Variants in CHPT1 observed in about 807,000 individuals in gnomAD.
CHPT1 encodes the protein choline phosphotransferase 1, also known as cholinephosphotransferase 1.
In CHPT1, 36 loss-of-function variants were observed where a neutral mutation model predicts 47.6. The observed-to-expected ratio is 0.76, with a 90% CI of 0.58 to 1.00. CHPT1 has a LOEUF of 1.00. CHPT1 is among the 50% of genes least tolerant of loss of function. The pLI, the probability that CHPT1 is intolerant of heterozygous loss-of-function variation, is 0.00. For missense variants in CHPT1, 458 were observed against 498.1 expected, an observed-to-expected ratio of 0.92 and a Z score of 0.77; for synonymous variants, 194 against 186.3, an observed-to-expected ratio of 1.04 and a Z score of -0.33.
At chr12:101,699,356 TCAATGGA>T (rs1566033860) in intron 1 of CHPT1, among the ~76,000 whole-genome samples, 1 of 149,518 alleles carries the variant, frequency 6.7e-6, no homozygotes, top group African/African-American at 2.5e-5. Flanking sequence ...AAATATCTTG[TCAATGGA>T]TTGGTATGCT....
At chr12:101,708,402 TTA>T (rs1351315076) in intron 1 of CHPT1, among the ~76,000 whole-genome samples, 1 of 152,090 alleles carries the variant, frequency 6.6e-6, no homozygotes, top group Admixed American at 6.5e-5. Flanking sequence ...TAGAATAAAT[TTA>T]TATGAAATTT....
At chr12:101,726,593 C>A in intron 8 of CHPT1, 189 bp downstream of exon 8, 1 of 737,412 alleles carries the variant, frequency 1.4e-6, no homozygotes, top group Non-Finnish European at 2.0e-6. Flanking sequence ...CCCATTGTAT[C>A]ATCATTTTTT....
rs778035915 is a variant in CHPT1, at chr12:101,698,057, A to G, written c.196A>G (p.Ile66Val). Residue 66 changes from isoleucine to valine, a missense_variant, in exon 1 of 9, where the codon ATC (isoleucine) becomes GTC (valine). Transcript: ENST00000229266. ...WIPLWMAPNS[I>V]TLLGLAVNVV... ...CCCGCTCTGGATGGCCCCCAACTCC[A>G]TCACCCTGCTGGGGCTCGCCGTCAA... is the stretch of plus-strand genomic sequence containing the variant. 21 of 1,574,254 alleles carry G rather than the reference A, an allele frequency of 1.3e-5. No homozygotes were observed. The highest frequency in any genetic ancestry group is 8.0e-5 in the South Asian group (7 of 87,738).
chr12:101,712,581 T>G (rs1951712616), intron 1 of CHPT1, among the ~76,000 whole-genome samples: 1 of 148,626 alleles, frequency 6.7e-6, no homozygotes, highest in African/African-American at 2.4e-5. Context: ...CGATGCACAG[T>G]TCAATTATTT....
intron 8 of CHPT1, 159 bp downstream of exon 8, chr12:101,726,563 C>CTTA: frequency 9.1e-7 from 1 of 1,103,270 alleles, no homozygotes; most frequent in Non-Finnish European, 1.2e-6. Flanking sequence ...TTCATTGTGT[C>CTTA]TTATTTCAGT....
chr12:101,719,683 T>C (rs1485762726), intron 4 of CHPT1: 1 of 338,030 alleles, frequency 3.0e-6, no homozygotes, highest in African/African-American at 2.2e-5. Context: ...TCCTTTTTCA[T>C]GTTTAAGTCA....
chr12:101,717,303 A>G lies in CHPT1; in HGVS notation c.648+491A>G, dbSNP rs757223358. 107 of 454,948 alleles carry G rather than the reference A, an allele frequency of 2.4e-4. 1 individual carries two copies. The highest frequency in any genetic ancestry group is 3.8e-4 in the Non-Finnish European group (87 of 226,172). 28.2% of individuals were successfully genotyped at this position (454,948 alleles called of 1,614,324 possible). ...GCTTGGTGACCTCAGTAGTTTCATA[A>G]AAGTTGGCTCTTAGGAGGCCACTGT... On this transcript the variant is annotated intron_variant, in intron 4 of 8. Transcript: ENST00000229266.
chr12:101,721,327 A>G (rs554239644), intron 5 of CHPT1, among the ~76,000 whole-genome samples: 37 of 152,252 alleles, frequency 2.4e-4, no homozygotes, highest in Admixed American at 2.1e-3. Context: ...GCTTTAAACT[A>G]TAGCATATTC....
chr12:101,698,236 C>T (rs1951494671), intron 1 of CHPT1, 102 bp downstream of exon 1: 2 of 1,338,548 alleles, frequency 1.5e-6, no homozygotes, highest in Non-Finnish European at 1.9e-6. Context: ...GAGCCTCTCC[C>T]GGGCCCCGGA....
chr12:101,713,035 A>G (rs568530637), intron 1 of CHPT1, among the ~76,000 whole-genome samples: 1 of 148,490 alleles, frequency 6.7e-6, no homozygotes, highest in East Asian at 2.0e-4. Context: ...GCTGTAGTTA[A>G]GTTGCCAGGA....
chr12:101,699,390 T>C (rs1289357724), intron 1 of CHPT1, among the ~76,000 whole-genome samples: 1 of 90,506 alleles, frequency 1.1e-5, no homozygotes, highest in African/African-American at 4.0e-5. Flanking sequence ...GTATTTCTTT[T>C]CTTTTTTTTT....
intron 1 of CHPT1, among the ~76,000 whole-genome samples, chr12:101,703,521 G>C (rs1951584334): frequency 6.6e-6 from 1 of 152,200 alleles, no homozygotes; most frequent in Non-Finnish European, 1.5e-5. Context: ...AAAAATGGAT[G>C]TGCTCTTCTC....
chr12:101,702,234 A>T (rs4764809), intron 1 of CHPT1, among the ~76,000 whole-genome samples: 84,815 of 152,010 alleles, frequency 0.56, 23,978 homozygotes, highest in African/African-American at 0.65. Context: ...GACTGGTATA[A>T]ACTGTTACTC....
intron 1 of CHPT1, among the ~76,000 whole-genome samples, chr12:101,711,227 T>G (rs1252581448): frequency 6.7e-6 from 1 of 148,730 alleles, no homozygotes; most frequent in African/African-American, 2.4e-5. Flanking sequence ...AAAAGATACT[T>G]GCACTCCCAT....
rs745309692 is a variant in CHPT1, at chr12:101,723,799, G to A, written c.1017G>A (p.Gln339=). The A allele has an allele frequency of 1.3e-6, 2 of 1,557,600 alleles. No individual in the cohort carries two copies. The highest frequency in any genetic ancestry group is 1.8e-6 in the Non-Finnish European group (2 of 1,132,792). Residue 339 remains glutamine, a synonymous_variant, in exon 7 of 9, where the codon CAG becomes CAA. Coordinates refer to ENST00000229266, the MANE Select transcript of CHPT1 (RefSeq NM_020244.3). ...GGCCAGGTCTTTTGTTTTTAGACCA[G>A]TACTTTAATAACTTTATAGACGAAT... is the stretch of plus-strand genomic sequence containing the variant. ...FLGPGLLFLD[Q]YFNNFIDEYV... is the part of the protein sequence containing the mutation.
chr12:101,714,698 A>G lies in CHPT1; in HGVS notation c.563+53A>G, dbSNP rs1024026011. 20 of 1,528,440 alleles carry G rather than the reference A, an allele frequency of 1.3e-5. No homozygotes were observed. The African/African-American group carries it at 2.1e-4, about 16-fold the overall frequency. 94.7% of individuals were successfully genotyped at this position (1,528,440 alleles called of 1,614,324 possible). ...AAAAAATATAATTGAATTCATTTGC[A>G]CAATCTGTTATGTCATTCATCGATA... On this transcript the variant is annotated intron_variant, in intron 3 of 8. Coordinates refer to ENST00000229266, the MANE Select transcript of CHPT1 (RefSeq NM_020244.3).
chr12:101,714,788 A>C (rs1185631241), intron 3 of CHPT1, 143 bp downstream of exon 3: 3 of 699,626 alleles, frequency 4.3e-6, no homozygotes, highest in African/African-American at 1.9e-5. Flanking sequence ...TAAATGCTAC[A>C]CCTTAAGTCT....
intron 1 of CHPT1, among the ~76,000 whole-genome samples, chr12:101,707,572 G>A (rs1241038003): frequency 6.6e-6 from 1 of 152,220 alleles, no homozygotes; most frequent in African/African-American, 2.4e-5. Context: ...CTGTGTGCCA[G>A]AGTAATGTTC....
chr12:101,719,050 G>A lies in CHPT1; in HGVS notation c.649-1073G>A, dbSNP rs544764896. Among the ~76,000 whole-genome samples the A allele has an allele frequency of 4.0e-5, 6 of 150,876 alleles. No individual in the cohort carries two copies. The East Asian group carries it at 1.2e-3, about 30-fold the overall frequency. On this transcript the variant is annotated intron_variant, in intron 4 of 8. Transcript: ENST00000229266. The stretch of plus-strand genomic sequence containing the variant: ...TGGGCACCTGTAATCCCAGCTACTC[G>A]GGAGGCTGAGGCAGGAGAATCACTT...
Sources: allele counts gnomAD v4.1 joint callset (sites outside exome capture counted in the v4.1 genomes callset), GRCh38; gene constraint gnomAD v4.1.1; transcripts MANE v1.5; gene names NCBI Gene and HGNC (gene_info 2026-07-23, HGNC 2026-07-21).